Variants in MRPL42 observed in about 807,000 individuals in gnomAD.
The protein encoded by MRPL42 is mitochondrial ribosomal protein L42.
A neutral mutation model predicts 17.9 loss-of-function variants in MRPL42; 17 were observed. The ratio of observed to expected loss-of-function variants is 0.95; its 90% CI spans 0.65 to 1.42. The LOEUF is 1.42. Ranked by LOEUF, MRPL42 falls within the 40% of genes most tolerant of loss-of-function variation. The pLI is 0.00. For synonymous variants in MRPL42, 59 were observed against 54.4 expected (o/e 1.08, Z -0.37); for missense variants, 177 against 175.2 (o/e 1.01, Z -0.06).
intron 5 of MRPL42, among the ~76,000 whole-genome samples, chr12:93,492,301 A>G (rs941006855): frequency 1.3e-5 from 2 of 152,150 alleles, no homozygotes; most frequent in Non-Finnish European, 2.9e-5. Flanking sequence ...TCTATTTTTA[A>G]TAATAGCCAT....
At chr12:93,488,532 T>C (rs2121238392) in intron 5 of MRPL42, 1 of 357,156 alleles carries the variant, frequency 2.8e-6, no homozygotes, top group Non-Finnish European at 5.0e-6. Flanking sequence ...GATGTATTCA[T>C]TTAATATGTT....
At position 93,504,452 on chromosome 12, in the gene MRPL42, A is replaced by G. The variant is rs1444790963; in HGVS notation, c.*3231A>G. 1 of 152,812 alleles carries G rather than the reference A, an allele frequency of 6.5e-6. No individual in the cohort carries two copies. Among genetic ancestry groups the G allele is most frequent in the Non-Finnish European group, 1.5e-5 (1 of 68,040 alleles). 9.5% of individuals were successfully genotyped at this position (152,812 alleles called of 1,614,324 possible). A position where few individuals can be genotyped will look rare whatever the true frequency, so the allele number is the denominator to read the frequency against. ...AGCCTCCATGCCTGGCCTAAACTGCATACTCCTAACATCAGTATATAGAAA... is the reference window on the plus strand; with the variant it reads ...AGCCTCCATGCCTGGCCTAAACTGCGTACTCCTAACATCAGTATATAGAAA... On this transcript the variant is annotated 3_prime_UTR_variant, in exon 6 of 6. Transcript: ENST00000549982.
chr12:93,473,665 A>G (rs1450530473), intron 2 of MRPL42, among the ~76,000 whole-genome samples: 2 of 152,022 alleles, frequency 1.3e-5, no homozygotes, highest in African/African-American at 4.8e-5. Flanking sequence ...TCCTGACCTC[A>G]GGTGATCTAC....
At chr12:93,470,952 C>T (rs1182955904) in intron 2 of MRPL42, among the ~76,000 whole-genome samples, 1 of 152,170 alleles carries the variant, frequency 6.6e-6, no homozygotes, top group African/African-American at 2.4e-5. Flanking sequence ...CTCTGCTTGA[C>T]CTTGACCTTT....
intron 2 of MRPL42, 105 bp from the exon 3 acceptor site, chr12:93,476,849 A>G: frequency 9.5e-7 from 1 of 1,053,496 alleles, no homozygotes; most frequent in South Asian, 1.3e-5. Flanking sequence ...GGCCTGTTTC[A>G]TACTAAACAG....
intron 5 of MRPL42, among the ~76,000 whole-genome samples, chr12:93,490,258 C>A (rs1953387760): frequency 6.6e-6 from 1 of 152,144 alleles, no homozygotes; most frequent in Non-Finnish European, 1.5e-5. Context: ...GTCTAGTACC[C>A]TATGTTTAAT....
intron 5 of MRPL42, among the ~76,000 whole-genome samples, chr12:93,492,373 T>G (rs1846394): frequency 0.012 from 1,900 of 152,304 alleles, 45 homozygotes; most frequent in African/African-American, 0.043. Context: ...CTCTGATGAT[T>G]AGTGATGTTG....
intron 1 of MRPL42, among the ~76,000 whole-genome samples, chr12:93,468,152 G>A (rs918470854): frequency 2.0e-5 from 3 of 152,188 alleles, no homozygotes; most frequent in Non-Finnish European, 4.4e-5. Context: ...GAAAGTCAGA[G>A]CACATATTGT....
At position 93,483,929 on chromosome 12, in the gene MRPL42, T is replaced by G. The variant is rs1006672713; in HGVS notation, c.220-3568T>G. Reference sequence around the variant, plus strand: ...TGTATTAAAATTTTTGTTTGCACTTTTTAAACTTTTTTTGTGAGAACTAAG... The same window carrying G: ...TGTATTAAAATTTTTGTTTGCACTTGTTAAACTTTTTTTGTGAGAACTAAG... On this transcript the variant is annotated intron_variant, in intron 4 of 5. Transcript: ENST00000549982. Among the ~76,000 whole-genome samples, 4 of 152,262 alleles carry G rather than the reference T, an allele frequency of 2.6e-5. No homozygotes were observed. In the East Asian group the frequency reaches 7.7e-4, roughly 29 times the overall value.
Position 93,479,378 on chromosome 12 carries a change from T to A in MRPL42, c.135-10T>A. On this transcript the variant is annotated splice_polypyrimidine_tract_variant and intron_variant, in intron 3 of 5. Transcript: ENST00000549982. ...GTATAACTTTATTTCTAAAACATTCTTTTTTTTAGCAACGTAGAGCTTGCT... is the reference window on the plus strand; with the variant it reads ...GTATAACTTTATTTCTAAAACATTCATTTTTTTAGCAACGTAGAGCTTGCT... The A allele has an allele frequency of 6.4e-7, 1 of 1,562,262 alleles. No homozygotes were observed. The highest frequency in any genetic ancestry group is 8.7e-7 in the Non-Finnish European group (1 of 1,150,352).
chr12:93,496,524 TGAA>T (rs759324267), intron 5 of MRPL42, among the ~76,000 whole-genome samples: 1 of 150,096 alleles, frequency 6.7e-6, no homozygotes, highest in Non-Finnish European at 1.5e-5. Context: ...TAAAATGTCA[TGAA>T]GAAAGTAAGA....
chr12:93,496,542 A>G (rs1182690328), intron 5 of MRPL42, among the ~76,000 whole-genome samples: 3 of 151,702 alleles, frequency 2.0e-5, no homozygotes, highest in African/African-American at 7.3e-5. Context: ...GTAAGATAAG[A>G]GCAAATAGCA....
rs1205606229 is a variant in MRPL42, at chr12:93,504,601, A to G, written c.*3380A>G. ...TGTCTCATTTCAAAGCATATAAAGTATACAAGTTTCAGGTCCTAGCTTAAA... is the reference window on the plus strand; with the variant it reads ...TGTCTCATTTCAAAGCATATAAAGTGTACAAGTTTCAGGTCCTAGCTTAAA... On this transcript the variant is annotated 3_prime_UTR_variant, in exon 6 of 6. Coordinates refer to ENST00000549982, the MANE Select transcript of MRPL42 (RefSeq NM_014050.4). The G allele has an allele frequency of 6.6e-6, 1 of 152,256 alleles. No individual in the cohort carries two copies. The highest frequency in any genetic ancestry group is 1.5e-5 in the Non-Finnish European group (1 of 68,050). 9.4% of individuals were successfully genotyped at this position (152,256 alleles called of 1,614,324 possible).
intron 2 of MRPL42, among the ~76,000 whole-genome samples, chr12:93,471,934 TTTACATA>T (rs1879929210): frequency 6.6e-6 from 1 of 152,180 alleles, no homozygotes; most frequent in Non-Finnish European, 1.5e-5. Context: ...CCAATCAGTT[TTTACATA>T]GACTATGTTT....
intron 2 of MRPL42, 139 bp downstream of exon 2, chr12:93,469,494 C>G: frequency 1.6e-6 from 1 of 628,656 alleles, no homozygotes; most frequent in Non-Finnish European, 2.7e-6. Context: ...ACCTAAATGT[C>G]AGTCAGAAGG....
chr12:93,483,419 A>G (rs1289257646), intron 4 of MRPL42, among the ~76,000 whole-genome samples: 2 of 152,236 alleles, frequency 1.3e-5, no homozygotes, highest in Non-Finnish European at 2.9e-5. Flanking sequence ...ACTTTATGGT[A>G]TAGCCTATTG....
intron 5 of MRPL42, among the ~76,000 whole-genome samples, chr12:93,489,623 T>A (rs900600550): frequency 1.3e-5 from 2 of 152,152 alleles, no homozygotes; most frequent in Non-Finnish European, 2.9e-5. Context: ...AACTTCCGCC[T>A]CCCAGGTTCG....
chr12:93,489,219 G>C (rs1027901757), intron 5 of MRPL42, among the ~76,000 whole-genome samples: 1 of 152,132 alleles, frequency 6.6e-6, no homozygotes, highest in African/African-American at 2.4e-5. Flanking sequence ...TTGAAGGAGG[G>C]TTAGGAGTTA....
intron 5 of MRPL42, among the ~76,000 whole-genome samples, chr12:93,499,647 A>C (rs1011096153): frequency 6.6e-6 from 1 of 152,144 alleles, no homozygotes; most frequent in African/African-American, 2.4e-5. Flanking sequence ...ACATAAGTAC[A>C]TGTAGAAATG....
Sources: gnomAD v4.1 joint callset for allele counts (sites outside exome capture counted in the v4.1 genomes callset) on GRCh38, gnomAD v4.1.1 for gene constraint, MANE v1.5 for transcripts, NCBI Gene and HGNC (gene_info 2026-07-23, HGNC 2026-07-21) for gene names.